The following CDH6 variants were observed in gnomAD, a reference collection of about 807,000 sequenced individuals.
CDH6 encodes cadherin-6.
In CDH6, 31 loss-of-function variants were observed where a neutral mutation model predicts 78.0. That is an observed-to-expected ratio of 0.40 (90% CI 0.30 to 0.54). CDH6 has a LOEUF of 0.54. CDH6 is among the 20% of genes least tolerant of loss of function. The probability of loss-of-function intolerance (pLI) is 0.56; values close to 1 mark genes in which losing one functional copy is unlikely to be tolerated. For missense variants in CDH6, 724 were observed against 975.9 expected (o/e 0.74, Z 3.44); for synonymous variants, 376 against 368.8 (o/e 1.02, Z -0.23).
chr5:31,317,515 CTCTA>C (rs754144998), intron 10 of CDH6, 23 bp downstream of exon 10: 17 of 1,527,012 alleles, frequency 1.1e-5, no homozygotes, highest in African/African-American at 6.8e-5. Context: ...AAGTTACCTT[CTCTA>C]TCTATCTCCA....
intron 2 of CDH6, among the ~76,000 whole-genome samples, chr5:31,288,159 C>T (rs1299353829): frequency 6.6e-6 from 1 of 152,210 alleles, no homozygotes; most frequent in African/African-American, 2.4e-5. Flanking sequence ...GCACCCTTTA[C>T]ATTCACACAT....
intron 8 of CDH6, among the ~76,000 whole-genome samples, chr5:31,313,927 G>A (rs1026474277): frequency 6.6e-6 from 1 of 152,204 alleles, no homozygotes. Flanking sequence ...AATTAAGAGA[G>A]ATAAATTATC....
At chr5:31,273,593 T>G (rs1296550860) in intron 2 of CDH6, among the ~76,000 whole-genome samples, 2 of 152,150 alleles carry the variant, frequency 1.3e-5, no homozygotes, top group East Asian at 3.8e-4. Flanking sequence ...TTATACACCC[T>G]CGCCTGTATG....
intron 2 of CDH6, among the ~76,000 whole-genome samples, chr5:31,281,623 G>A (rs1370614462): frequency 1.3e-5 from 2 of 152,062 alleles, no homozygotes; most frequent in East Asian, 1.9e-4. Context: ...GCCTTTTTGG[G>A]GAAATAACTT....
At chr5:31,219,134 C>T (rs1054962474) in intron 1 of CDH6, among the ~76,000 whole-genome samples, 12 of 152,188 alleles carry the variant, frequency 7.9e-5, no homozygotes, top group African/African-American at 2.9e-4. Context: ...AACACACAAA[C>T]ACAGCAAGAA....
At chr5:31,274,666 A>C (rs950088735) in intron 2 of CDH6, among the ~76,000 whole-genome samples, 3 of 152,198 alleles carry the variant, frequency 2.0e-5, no homozygotes, top group African/African-American at 7.2e-5. Context: ...CTAAAAATAC[A>C]AAAATTAGAC....
intron 7 of CDH6, among the ~76,000 whole-genome samples, chr5:31,307,335 A>G (rs1738017957): frequency 6.6e-6 from 1 of 152,224 alleles, no homozygotes; most frequent in Admixed American, 6.5e-5. Flanking sequence ...ACTTTTTCCC[A>G]GTTGAGCCTT....
intron 4 of CDH6, among the ~76,000 whole-genome samples, chr5:31,298,779 G>A (rs1389394098): frequency 6.6e-6 from 1 of 152,064 alleles, no homozygotes; most frequent in Non-Finnish European, 1.5e-5. Context: ...TAAAAATTTT[G>A]GTTGTCATTG....
intron 1 of CDH6, among the ~76,000 whole-genome samples, chr5:31,202,702 T>C (rs1740390282): frequency 6.6e-6 from 1 of 151,322 alleles, no homozygotes; most frequent in Non-Finnish European, 1.5e-5. Flanking sequence ...TACACATATA[T>C]ACATACATGC....
chr5:31,302,449 A>C lies in CDH6; in HGVS notation c.999+151A>C, dbSNP rs1252172057. Reference sequence around the variant, plus strand: ...AGAAAAATGCCAGTTCTGGCCGGGCATGGTGGCTCCCGCCTGTAATCCCAG... The same window carrying C: ...AGAAAAATGCCAGTTCTGGCCGGGCCTGGTGGCTCCCGCCTGTAATCCCAG... On this transcript the variant is annotated intron_variant, in intron 6 of 11. Transcript: ENST00000265071. The C allele has an allele frequency of 4.9e-6, 3 of 609,216 alleles. No individual in the cohort carries two copies. In the Admixed American group the frequency reaches 9.2e-5, roughly 19 times the overall value. The allele number at this position is 609,216 out of a possible 1,614,324, so 37.7% of individuals were successfully genotyped here. A position where few individuals can be genotyped will look rare whatever the true frequency, so the allele number is the denominator to read the frequency against.
chr5:31,293,631 G>A lies in CDH6; in HGVS notation c.229-331G>A, dbSNP rs553208451. Among the ~76,000 whole-genome samples the A allele has an allele frequency of 7.2e-5, 11 of 152,166 alleles. No individual in the cohort carries two copies. The South Asian group carries it at 8.3e-4, about 11-fold the overall frequency. On this transcript the variant is annotated intron_variant, in intron 2 of 11. Coordinates refer to ENST00000265071, the MANE Select transcript of CDH6 (RefSeq NM_004932.4). ...AGCTGTAGTGAAAAATAGGAAAATC[G>A]TGAAAAGAGTCTCATTCCAGCCACC... is the stretch of plus-strand genomic sequence containing the variant.
At chr5:31,228,337 G>T (rs1243836515) in intron 1 of CDH6, among the ~76,000 whole-genome samples, 1 of 152,184 alleles carries the variant, frequency 6.6e-6, no homozygotes, top group Non-Finnish European at 1.5e-5. Context: ...GGATTGGGAC[G>T]TGGGCATATT....
intron 1 of CDH6, among the ~76,000 whole-genome samples, chr5:31,242,614 A>G (rs1333000978): frequency 6.6e-6 from 1 of 151,924 alleles, no homozygotes; most frequent in Non-Finnish European, 1.5e-5. Flanking sequence ...ATCTATATCC[A>G]GAATTGTGTC....
intron 1 of CDH6, among the ~76,000 whole-genome samples, chr5:31,230,449 C>T (rs951991962): frequency 3.9e-5 from 6 of 152,198 alleles, no homozygotes; most frequent in Admixed American, 3.3e-4. Context: ...ATGTTAAACA[C>T]CGTTAAAATA....
In CDH6 at chr5:31,325,109, A is replaced by T. The variant is rs929003614; in HGVS notation, c.*1801A>T. 11 of 224,554 alleles carry T rather than the reference A, an allele frequency of 4.9e-5. No homozygotes were observed. The highest frequency in any genetic ancestry group is 1.3e-3 in the Middle Eastern group (1 of 746). The allele number at this position is 224,554 out of a possible 1,614,324, so 13.9% of individuals were successfully genotyped here. A position where few individuals can be genotyped will look rare whatever the true frequency, so the allele number is the denominator to read the frequency against. On this transcript the variant is annotated 3_prime_UTR_variant, in exon 12 of 12. Transcript: ENST00000265071. ...TAAGTTTTAAATAGGTGTATTACCC[A>T]AGAAGTAAAGATGGAAACGTTAAAA... is the stretch of plus-strand genomic sequence containing the variant.
In CDH6 at chr5:31,299,579, C is replaced by T. The variant is rs1737704851; in HGVS notation, c.759C>T (p.Thr253=). 3.7e-6 allele frequency: 6 copies of T among 1,613,806 alleles called. No homozygotes were observed. Among genetic ancestry groups the T allele is most frequent in the East Asian group, 2.2e-5 (1 of 44,886 alleles). The change falls in exon 5 of 12, where the codon ACC becomes ACT. Residue 253 remains threonine, a synonymous_variant. Coordinates refer to ENST00000265071, the MANE Select transcript of CDH6 (RefSeq NM_004932.4). ...GQMGGLSGTT[T]VNITLTDVND... is the part of the protein sequence containing the mutation. ...TGGGAGGATTATCTGGGACCACCAC[C>T]GTGAACATCACACTGACTGATGTCA...
chr5:31,267,676 G>T lies in CDH6; in HGVS notation c.203G>T (p.Gly68Val). The change falls in exon 2 of 12, where the codon GGA becomes GTA. Residue 68 changes from glycine to valine, a missense_variant. Transcript: ENST00000265071. Reference sequence around the variant, plus strand: ...TTCTTTCTCCTGGAGGAATACACAGGATCCGATTATCAGTATGTGGGCAAG... The same window carrying T: ...TTCTTTCTCCTGGAGGAATACACAGTATCCGATTATCAGTATGTGGGCAAG... ...NQFFLLEEYT[G>V]SDYQYVGKLH... 1 of 1,613,984 alleles carries T rather than the reference G, an allele frequency of 6.2e-7. No individual in the cohort carries two copies. Among genetic ancestry groups the T allele is most frequent in the Non-Finnish European group, 8.5e-7 (1 of 1,179,860 alleles).
At chr5:31,239,869 G>C (rs527605366) in intron 1 of CDH6, among the ~76,000 whole-genome samples, 9 of 152,304 alleles carry the variant, frequency 5.9e-5, no homozygotes, top group African/African-American at 2.2e-4. Flanking sequence ...TCAGGGGATG[G>C]TCTACCCCTC....
chr5:31,258,603 T>C (rs886190693), intron 1 of CDH6, among the ~76,000 whole-genome samples: 1 of 152,034 alleles, frequency 6.6e-6, no homozygotes, highest in Non-Finnish European at 1.5e-5. Context: ...AACCTGCATG[T>C]TCTGCACGTG....
Sources: gnomAD v4.1 joint callset for allele counts (sites outside exome capture counted in the v4.1 genomes callset) on GRCh38, gnomAD v4.1.1 for gene constraint, MANE v1.5 for transcripts, NCBI Gene and HGNC (gene_info 2026-07-23, HGNC 2026-07-21) for gene names.